Variants in ASAP1 observed in about 807,000 individuals in gnomAD.
ASAP1 encodes the protein arf-GAP with SH3 domain, ANK repeat and PH domain-containing protein 1.
A neutral mutation model predicts 145.2 loss-of-function variants in ASAP1; 43 were observed. The observed-to-expected ratio is 0.30, with a 90% CI of 0.23 to 0.38. The LOEUF (loss-of-function observed/expected upper bound fraction) is 0.38, where lower values mean the gene tolerates loss of function less well. ASAP1 is among the 10% of genes least tolerant of loss of function. The probability of loss-of-function intolerance (pLI) is 1.00; values close to 1 mark genes in which losing one functional copy is unlikely to be tolerated. For synonymous variants in ASAP1, 546 were observed against 515.5 expected (o/e 1.06, Z -0.80); for missense variants, 1,018 against 1,355.3 (o/e 0.75, Z 3.91).
intron 27 of ASAP1, among the ~76,000 whole-genome samples, chr8:130,065,445 G>T (rs1430689099): frequency 6.6e-6 from 1 of 152,180 alleles, no homozygotes; most frequent in Non-Finnish European, 1.5e-5. Context: ...AGGGTATAGG[G>T]TAGGATCTCA....
chr8:130,210,317 T>C (rs1342907880), intron 5 of ASAP1, among the ~76,000 whole-genome samples: 2 of 152,212 alleles, frequency 1.3e-5, no homozygotes, highest in African/African-American at 4.8e-5. Flanking sequence ...TATTTTTCCA[T>C]AAAAATAGAT....
At chr8:130,107,845 G>A (rs547519124) in intron 24 of ASAP1, among the ~76,000 whole-genome samples, 38 of 152,266 alleles carry the variant, frequency 2.5e-4, no homozygotes, top group Non-Finnish European at 4.7e-4. Flanking sequence ...CACCACGCCC[G>A]ACCACCATAG....
At chr8:130,105,340 T>C (rs1249817321) in intron 24 of ASAP1, among the ~76,000 whole-genome samples, 1 of 152,246 alleles carries the variant, frequency 6.6e-6, no homozygotes, top group African/African-American at 2.4e-5. Context: ...GTAGGTTATA[T>C]GCAAATACTG....
intron 1 of ASAP1, among the ~76,000 whole-genome samples, chr8:130,414,363 G>A (rs1414793019): frequency 6.6e-6 from 1 of 152,192 alleles, no homozygotes; most frequent in Non-Finnish European, 1.5e-5. Flanking sequence ...AGGCAGATTT[G>A]CATTTACAAG....
intron 13 of ASAP1, among the ~76,000 whole-genome samples, chr8:130,144,631 T>G (rs1472792007): frequency 2.0e-5 from 3 of 152,214 alleles, no homozygotes; most frequent in African/African-American, 7.2e-5. Context: ...TCCCTCCAGA[T>G]GCACGTTCCA....
rs76663828 is a variant in ASAP1 at position 130,085,203 on chromosome 8, T to G, written c.2573-5232A>C. Reference sequence around the variant, plus strand: ...GTTAGAATAGTGTCAGTCTTAAGGCTACCATGAACCTAACAATTAGTTGTA... The same window carrying G: ...GTTAGAATAGTGTCAGTCTTAAGGCGACCATGAACCTAACAATTAGTTGTA... On this transcript the variant is annotated intron_variant, in intron 25 of 29. Coordinates refer to ENST00000518721, the MANE Select transcript of ASAP1 (RefSeq NM_018482.4). 4.9e-3 allele frequency among the ~76,000 whole-genome samples: 748 copies of G among 152,344 alleles called. 1 individual carries two copies. Among genetic ancestry groups the G allele is most frequent in the Non-Finnish European group, 8.8e-3 (601 of 68,030 alleles).
intron 1 of ASAP1, among the ~76,000 whole-genome samples, chr8:130,436,012 G>A (rs929890202): frequency 6.6e-6 from 1 of 152,206 alleles, no homozygotes; most frequent in Non-Finnish European, 1.5e-5. Context: ...TGGGGCATGA[G>A]CCACTAAGCC....
chr8:130,246,248 GCCT>G (rs1818848747), intron 3 of ASAP1, among the ~76,000 whole-genome samples: 2 of 152,166 alleles, frequency 1.3e-5, no homozygotes, highest in South Asian at 4.2e-4. Flanking sequence ...TGAAGTATGG[GCCT>G]CCTATCATAT....
At chr8:130,263,240 G>T (rs2136998046) in intron 3 of ASAP1, among the ~76,000 whole-genome samples, 1 of 152,234 alleles carries the variant, frequency 6.6e-6, no homozygotes, top group Admixed American at 6.5e-5. Context: ...AACCAGGGAA[G>T]GTAGCATGAC....
chr8:130,400,658 G>A (rs1237063007), intron 2 of ASAP1, among the ~76,000 whole-genome samples: 1 of 151,998 alleles, frequency 6.6e-6, no homozygotes, highest in Non-Finnish European at 1.5e-5. Context: ...GGGCGTGATG[G>A]CAGGCGCCTG....
chr8:130,325,363 T>C (rs1824260868), intron 3 of ASAP1, among the ~76,000 whole-genome samples: 2 of 152,160 alleles, frequency 1.3e-5, no homozygotes, highest in Admixed American at 6.5e-5. Context: ...CAGTGCACAG[T>C]GAGAAAAGAC....
chr8:130,123,682 A>T (rs1348074859), intron 18 of ASAP1, among the ~76,000 whole-genome samples: 1 of 152,208 alleles, frequency 6.6e-6, no homozygotes, highest in African/African-American at 2.4e-5. Context: ...GCTGGAGTGC[A>T]GGGGTGCGAT....
chr8:130,162,230 C>T (rs1377084843), intron 11 of ASAP1, among the ~76,000 whole-genome samples: 2 of 152,200 alleles, frequency 1.3e-5, no homozygotes, highest in Non-Finnish European at 2.9e-5. Context: ...AAATAGCAGA[C>T]AAGCAAGAAG....
chr8:130,344,172 T>C (rs574127082), intron 3 of ASAP1, among the ~76,000 whole-genome samples: 10 of 152,138 alleles, frequency 6.6e-5, no homozygotes, highest in African/African-American at 2.4e-4. Context: ...GGCAAATGAA[T>C]TACAATGAAA....
intron 2 of ASAP1, among the ~76,000 whole-genome samples, chr8:130,367,190 G>T (rs1300737346): frequency 1.3e-4 from 19 of 151,804 alleles, no homozygotes; most frequent in Admixed American, 1.2e-3. Context: ...ACACCCGGCC[G>T]CTAGATACTT....
chr8:130,323,490 C>T lies in ASAP1; in HGVS notation c.186+34527G>A, dbSNP rs548933807. 1.1e-4 allele frequency among the ~76,000 whole-genome samples: 16 copies of T among 152,296 alleles called. No individual in the cohort carries two copies. In the South Asian group the frequency reaches 2.5e-3, roughly 24 times the overall value. On this transcript the variant is annotated intron_variant, in intron 3 of 29. Coordinates refer to ENST00000518721, the MANE Select transcript of ASAP1 (RefSeq NM_018482.4). The stretch of plus-strand genomic sequence containing the variant: ...ATAAGTAATTTCAAGGCACAGATTT[C>T]CACCTGCCAGTCCCCTGTCATGTTG...
chr8:130,386,610 T>C (rs537318932), intron 2 of ASAP1: 1 of 152,366 alleles, frequency 6.6e-6, no homozygotes, highest in African/African-American at 2.4e-5. Context: ...CAAACTCACA[T>C]TGTTTGGGAA....
intron 15 of ASAP1, among the ~76,000 whole-genome samples, chr8:130,132,089 G>C (rs1306151233): frequency 6.6e-6 from 1 of 152,176 alleles, no homozygotes; most frequent in South Asian, 2.1e-4. Flanking sequence ...ATCGGAGAAG[G>C]AGAAACAATA....
At chr8:130,392,975 G>A (rs146453683) in intron 2 of ASAP1, among the ~76,000 whole-genome samples, 4 of 152,170 alleles carry the variant, frequency 2.6e-5, no homozygotes, top group African/African-American at 4.8e-5. Context: ...TCCAAACCAT[G>A]GCACCGAGGC....
Sources: allele counts gnomAD v4.1 joint callset (sites outside exome capture counted in the v4.1 genomes callset), GRCh38; gene constraint gnomAD v4.1.1; transcripts MANE v1.5; gene names NCBI Gene and HGNC (gene_info 2026-07-23, HGNC 2026-07-21).